GGA1: variants seen among roughly 807,000 people sequenced by gnomAD.
GGA1 encodes the protein ADP-ribosylation factor-binding protein GGA1.
GGA1 carries 18 observed loss-of-function variants against 76.9 expected under a neutral mutation model. That is an observed-to-expected ratio of 0.23 (90% CI 0.16 to 0.35). The LOEUF is 0.35. GGA1 is among the 10% of genes least tolerant of loss of function. GGA1 has a pLI of 1.00. For missense variants in GGA1, 755 were observed against 859.0 expected, an observed-to-expected ratio of 0.88 and a Z score of 1.51; for synonymous variants, 342 against 354.7, an observed-to-expected ratio of 0.96 and a Z score of 0.40.
intron 1 of GGA1, chr22:37,609,196 C>G: frequency 7.4e-7 from 1 of 1,349,734 alleles, no homozygotes; most frequent in Non-Finnish European, 9.6e-7. Flanking sequence ...AGAGCAGCCT[C>G]CAACCCCCAA....
rs1203307902 is a variant in GGA1 at position 37,618,495 on chromosome 22, A to C, written c.252A>C (p.Glu84Asp). Residue 84 changes from glutamate to aspartate, a missense_variant, in exon 4 of 17, where the codon GAA (glutamate) becomes GAC (aspartate). Transcript: ENST00000343632. Reference protein sequence around the residue: ...MKSCGKRFHDEVGKFRFLNEL... With the variant: ...MKSCGKRFHDDVGKFRFLNEL... Reference sequence around the variant, plus strand: ...GCTGCGGCAAGCGGTTCCACGACGAAGTGGGCAAGTTCCGCTTTCTCAACG... The same window carrying C: ...GCTGCGGCAAGCGGTTCCACGACGACGTGGGCAAGTTCCGCTTTCTCAACG... 1 of 1,613,754 alleles carries C rather than the reference A, an allele frequency of 6.2e-7. No individual in the cohort carries two copies. Among genetic ancestry groups the C allele is most frequent in the Admixed American group, 1.7e-5 (1 of 60,032 alleles).
chr22:37,614,169 A>T, intron 1 of GGA1, 21 bp from the exon 2 acceptor site: 1 of 1,565,066 alleles, frequency 6.4e-7, no homozygotes, highest in Non-Finnish European at 8.8e-7. Flanking sequence ...GGCCACAATG[A>T]CCCCAGCTCT....
chr22:37,631,512 C>T (rs983221405), intron 14 of GGA1, among the ~76,000 whole-genome samples: 2 of 152,178 alleles, frequency 1.3e-5, no homozygotes, highest in African/African-American at 2.4e-5. Flanking sequence ...CCCAAGCAGA[C>T]ACATGAGGCC....
At chr22:37,629,854 G>A in intron 12 of GGA1, 144 bp from the exon 13 acceptor site, 1 of 648,826 alleles carries the variant, frequency 1.5e-6, no homozygotes, top group Non-Finnish European at 2.7e-6. Context: ...CTGCATCATG[G>A]ACATGGGTGG....
In GGA1 at chr22:37,632,240, C is replaced by G. The variant is rs1931952178; in HGVS notation, c.1698+75C>G. Reference sequence around the variant, plus strand: ...GACATGGAGCTGGGTGGGGAGCCACCTGTCAGGGGGCAGGTCTCCCTCCCT... The same window carrying G: ...GACATGGAGCTGGGTGGGGAGCCACGTGTCAGGGGGCAGGTCTCCCTCCCT... On this transcript the variant is annotated intron_variant, in intron 15 of 16. Transcript: ENST00000343632. The surrounding 1 kb of genome is among the most constrained non-coding windows in gnomAD (Gnocchi z 5.1). 1 of 1,459,314 alleles carries G rather than the reference C, an allele frequency of 6.9e-7. No homozygotes were observed. The allele number at this position is 1,459,314 out of a possible 1,614,324, so 90.4% of individuals were successfully genotyped here.
chr22:37,629,491 C>A lies in GGA1; in HGVS notation c.1123C>A (p.Pro375Thr). 1.3e-6 allele frequency: 2 copies of A among 1,590,128 alleles called. No individual in the cohort carries two copies. The highest frequency in any genetic ancestry group is 8.5e-7 in the Non-Finnish European group (1 of 1,170,450). The stretch of plus-strand genomic sequence containing the variant: ...CAGTGACCCCACACCCCCTTCAGGC[C>A]CAAGCCTGGATGGTACCGGATGGAA... ...GLSDPTPPSG[P>T]SLDGTGWNSF... The change falls in exon 12 of 17, where the codon CCA (proline) becomes ACA (threonine). Residue 375 changes from proline (P) to threonine (T), a missense_variant. By Grantham distance (38) the Pro-to-Thr change is conservative. Transcript: ENST00000343632.
intron 1 of GGA1, chr22:37,609,136 A>G (rs909917582): frequency 6.1e-6 from 9 of 1,472,082 alleles, no homozygotes; most frequent in Non-Finnish European, 6.3e-6. Flanking sequence ...TCCCTGGGCC[A>G]TGACCCCTGG....
intron 3 of GGA1, chr22:37,617,833 G>GA: frequency 1.1e-6 from 1 of 922,142 alleles, no homozygotes; most frequent in Non-Finnish European, 1.3e-6. Context: ...TTTAAAAAAG[G>GA]AAAAATAGGC....
In GGA1 at chr22:37,623,327, G is replaced by T; in HGVS notation, c.610G>T (p.Asp204Tyr). The T allele has an allele frequency of 6.2e-7, 1 of 1,614,044 alleles. No homozygotes were observed. Among genetic ancestry groups the T allele is most frequent in the South Asian group, 1.1e-5 (1 of 91,060 alleles). ...GGGCCCTTGGCCAATGTGTCCCCAG[G>T]ACCAGAAGCGGATGGAGAAGATCTC... ...NKLIKEMVQE[D>Y]QKRMEKISKR... Residue 204 changes from aspartate to tyrosine, a missense_variant and splice_region_variant, in exon 8 of 17, where the codon GAC becomes TAC. Asp to Tyr is a radical substitution (Grantham distance 160). Transcript: ENST00000343632. The surrounding 1 kb of genome is among the most constrained non-coding windows in gnomAD (Gnocchi z 4.6).
Position 37,623,784 on chromosome 22 carries a change from C to CT in GGA1, c.832+152dup. On this transcript the variant is annotated intron_variant, in intron 9 of 16. Transcript: ENST00000343632. The surrounding 1 kb of genome is among the most constrained non-coding windows in gnomAD (Gnocchi z 4.6). ...AGCACCGACCTTGGGTTTCTCCTCT[C>CT]TGAGGACACAGAGCAGGGGCCGCCC... 3.2e-6 allele frequency: 2 copies of CT among 619,506 alleles called. No homozygotes were observed. The highest frequency in any genetic ancestry group is 3.8e-5 in the South Asian group (2 of 51,986). 38.4% of individuals were successfully genotyped at this position (619,506 alleles called of 1,614,324 possible). A position where few individuals can be genotyped will look rare whatever the true frequency, so the allele number is the denominator to read the frequency against.
intron 2 of GGA1, among the ~76,000 whole-genome samples, chr22:37,616,043 C>G (rs945929836): frequency 6.6e-6 from 1 of 151,986 alleles, no homozygotes; most frequent in Non-Finnish European, 1.5e-5. Context: ...AGGGTTTCAC[C>G]GTGTTAGCCA....
Position 37,625,196 on chromosome 22 carries a change from T to A in GGA1, c.940+120T>A. On this transcript the variant is annotated intron_variant, in intron 10 of 16. Transcript: ENST00000343632. This position sits in a 1 kb window ranked among gnomAD's most constrained non-coding sequence, Gnocchi z 4.1. ...GACTGCCAGGGTGACCCTGGCCCCT[T>A]AAGATGGGGAAGGCCCCAGGGAGGG... is the stretch of plus-strand genomic sequence containing the variant. 1 of 878,380 alleles carries A rather than the reference T, an allele frequency of 1.1e-6. No individual in the cohort carries two copies. The highest frequency in any genetic ancestry group is 1.8e-6 in the Non-Finnish European group (1 of 567,186). The allele number at this position is 878,380 out of a possible 1,614,324, so 54.4% of individuals were successfully genotyped here. A position where few individuals can be genotyped will look rare whatever the true frequency, so the allele number is the denominator to read the frequency against.
At position 37,620,303 on chromosome 22, in the gene GGA1, A is replaced by T. The variant is rs773257930; in HGVS notation, c.369A>T (p.Thr123=). ...TCTTGGAGCTCCTCTACAGCTGGAC[A>T]GTGGGCCTGCCCGAGGAGGTGAAAA... ...NKILELLYSW[T]VGLPEEVKIA... Residue 123 remains threonine, a synonymous_variant, in exon 5 of 17, where the codon ACA becomes ACT. Transcript: ENST00000343632. 6.2e-7 allele frequency: 1 copy of T among 1,614,004 alleles called. No homozygotes were observed. Among genetic ancestry groups the T allele is most frequent in the South Asian group, 1.1e-5 (1 of 91,082 alleles).
chr22:37,631,804 C>T (rs554389233), intron 14 of GGA1, among the ~76,000 whole-genome samples, 192 bp from the exon 15 acceptor site: 5 of 152,204 alleles, frequency 3.3e-5, no homozygotes, highest in Non-Finnish European at 7.3e-5. Context: ...GGGGGTTCAC[C>T]TGCCCTCTCT....
chr22:37,612,334 T>C (rs1369049691), intron 1 of GGA1, among the ~76,000 whole-genome samples: 1 of 143,192 alleles, frequency 7.0e-6, no homozygotes, highest in African/African-American at 2.6e-5. Flanking sequence ...TAGCCGGGCG[T>C]GGTGGCGGGC....
rs774568469 is a variant in GGA1 at position 37,620,261 on chromosome 22, G to A, written c.327G>A (p.Glu109=). 6.2e-7 allele frequency: 1 copy of A among 1,614,006 alleles called. No individual in the cohort carries two copies. Among genetic ancestry groups the A allele is most frequent in the South Asian group, 1.1e-5 (1 of 91,082 alleles). The change falls in exon 5 of 17, where the codon GAG becomes GAA. Residue 109 remains glutamate, a synonymous_variant. Coordinates refer to ENST00000343632, the MANE Select transcript of GGA1 (RefSeq NM_013365.5). The part of the protein sequence containing the change: ...SPKYLGSRTS[E]KVKNKILELL... ...AGTATCTGGGCTCTCGGACATCGGA[G>A]AAGGTGAAGAACAAGATCTTGGAGC...
chr22:37,633,092 A>C lies in GGA1; in HGVS notation c.*381A>C. The C allele has an allele frequency of 9.6e-6, 2 of 207,608 alleles. No individual in the cohort carries two copies. The highest frequency in any genetic ancestry group is 2.0e-5 in the Non-Finnish European group (2 of 100,356). 12.9% of individuals were successfully genotyped at this position (207,608 alleles called of 1,614,324 possible). A position where few individuals can be genotyped will look rare whatever the true frequency, so the allele number is the denominator to read the frequency against. On this transcript the variant is annotated 3_prime_UTR_variant, in exon 17 of 17. Transcript: ENST00000343632. ...GTGGGGTCTTCCCCACCTGTCTCTT[A>C]TGCCTTATGGGAAGGCCCAGCCATA...
At position 37,632,057 on chromosome 22, in the gene GGA1, C is replaced by G. The variant is rs768091079; in HGVS notation, c.1590C>G (p.Ala530=). The part of the protein sequence containing the change: ...QHGFRILFHF[A]RDPLPGRSDV... Reference sequence around the variant, plus strand: ...GCTTCCGCATCCTCTTCCATTTTGCCCGGGACCCACTGCCAGGGCGCTCCG... The same window carrying G: ...GCTTCCGCATCCTCTTCCATTTTGCGCGGGACCCACTGCCAGGGCGCTCCG... Residue 530 remains alanine, a synonymous_variant, in exon 15 of 17, where the codon GCC becomes GCG. Coordinates refer to ENST00000343632, the MANE Select transcript of GGA1 (RefSeq NM_013365.5). This position sits in a 1 kb window ranked among gnomAD's most constrained non-coding sequence, Gnocchi z 5.1. The G allele has an allele frequency of 1.1e-5, 18 of 1,613,616 alleles. No homozygotes were observed. The highest frequency in any genetic ancestry group is 2.5e-6 in the Non-Finnish European group (3 of 1,179,970).
chr22:37,609,167 G>A (rs1211879485), intron 1 of GGA1: 7 of 1,435,056 alleles, frequency 4.9e-6, no homozygotes, highest in Non-Finnish European at 6.5e-6. Context: ...GAGCTGCGCC[G>A]GGAACCCCCG....
Sources: allele counts gnomAD v4.1 joint callset (sites outside exome capture counted in the v4.1 genomes callset), GRCh38; gene constraint gnomAD v4.1.1; non-coding constraint Gnocchi (gnomAD v3.1); transcripts MANE v1.5; gene names NCBI Gene and HGNC (gene_info 2026-07-23, HGNC 2026-07-21).